CASP6: variants seen among roughly 807,000 people sequenced by gnomAD.
CASP6 encodes the protein caspase 6.
In CASP6, 20 loss-of-function variants were observed where a neutral mutation model predicts 31.8. That is an observed-to-expected ratio of 0.63 (90% CI 0.44 to 0.91). CASP6 has a LOEUF of 0.91. Ranked by LOEUF, CASP6 falls within the 40% of genes least tolerant of loss-of-function variation. The pLI is 0.00. For missense variants in CASP6, 328 were observed against 361.1 expected (o/e 0.91, Z 0.74); for synonymous variants, 130 against 127.8 (o/e 1.02, Z -0.12).
At chr4:109,696,942 C>G (rs1245919024) in intron 3 of CASP6, among the ~76,000 whole-genome samples, 1 of 151,958 alleles carries the variant, frequency 6.6e-6, no homozygotes, top group Non-Finnish European at 1.5e-5. Context: ...CCCACCACCA[C>G]GCCCGGCTAA....
the CASP6 span, among the ~76,000 whole-genome samples, chr4:109,674,951 T>C: frequency 6.6e-6 from 1 of 152,236 alleles, no homozygotes; most frequent in African/African-American, 2.4e-5. Flanking sequence ...AGCAAGCTGG[T>C]TTGGCCAGAC....
chr4:109,676,921 A>AT, the CASP6 span, among the ~76,000 whole-genome samples: 203 of 152,374 alleles, frequency 1.3e-3, no homozygotes, highest in Middle Eastern at 0.01. Context: ...TATTTGGAAA[A>AT]TTCACAGCTG....
At chr4:109,669,608 G>A in the CASP6 span, among the ~76,000 whole-genome samples, 2 of 150,846 alleles carry the variant, frequency 1.3e-5, no homozygotes, top group Non-Finnish European at 3.0e-5. Flanking sequence ...TAATTCTTCT[G>A]TTCTTTCCTT....
chr4:109,706,031 T>TAAAA (rs59826248), upstream of CASP6, among the ~76,000 whole-genome samples: 1 of 82,468 alleles, frequency 1.2e-5, no homozygotes, highest in African/African-American at 5.8e-5. Flanking sequence ...TATATATATA[T>TAAAA]AATATATATA....
At chr4:109,664,830 C>A in the CASP6 span, among the ~76,000 whole-genome samples, 1 of 151,996 alleles carries the variant, frequency 6.6e-6, no homozygotes, top group Admixed American at 6.6e-5. Context: ...TTTAGACTTT[C>A]AGGATTTTAC....
At chr4:109,666,362 G>T in the CASP6 span, among the ~76,000 whole-genome samples, 1 of 152,186 alleles carries the variant, frequency 6.6e-6, no homozygotes, top group African/African-American at 2.4e-5. Context: ...TTAGTTTTGT[G>T]TAAAACTGTC....
chr4:109,706,003 T>TAG (rs1730597704), upstream of CASP6, among the ~76,000 whole-genome samples: 1 of 35,114 alleles, frequency 2.8e-5, no homozygotes, highest in Non-Finnish European at 4.5e-5. Flanking sequence ...AAAAAAAAAA[T>TAG]ATATATATAT....
At chr4:109,701,882 C>T (rs115625249) in intron 1 of CASP6, among the ~76,000 whole-genome samples, 1 of 152,306 alleles carries the variant, frequency 6.6e-6, no homozygotes, top group African/African-American at 2.4e-5. Context: ...TCCAAAGTCT[C>T]TGTAGGCCCA....
At chr4:109,690,825 T>C (rs766850686) in intron 6 of CASP6, 25 bp downstream of exon 6, 3 of 1,575,200 alleles carry the variant, frequency 1.9e-6, no homozygotes, top group East Asian at 4.6e-5. Flanking sequence ...GAGGCAATTA[T>C]ATGTTTGTTT....
chr4:109,703,253 G>A, intron 1 of CASP6, 103 bp downstream of exon 1: 3 of 1,330,620 alleles, frequency 2.3e-6, no homozygotes, highest in Non-Finnish European at 3.1e-6. Flanking sequence ...AGGAACCCGC[G>A]GCCCCACTCC....
the CASP6 span, among the ~76,000 whole-genome samples, chr4:109,668,148 A>G: frequency 1.5e-4 from 23 of 152,122 alleles, no homozygotes; most frequent in Admixed American, 1.3e-4. Context: ...CGTTTATCTC[A>G]GTTGATTGGT....
the CASP6 span, among the ~76,000 whole-genome samples, chr4:109,680,887 C>G: frequency 1.3e-5 from 2 of 152,138 alleles, no homozygotes. Context: ...TGAACAATTA[C>G]AGCTCTCAGA....
the CASP6 span, chr4:109,682,528 C>T: frequency 2.8e-6 from 4 of 1,453,428 alleles, no homozygotes; most frequent in Middle Eastern, 1.8e-4. Context: ...AAGATTTACA[C>T]ACCCTGCGGG....
downstream of CASP6, chr4:109,684,487 AC>A: frequency 6.2e-7 from 1 of 1,612,760 alleles, no homozygotes; most frequent in Non-Finnish European, 8.5e-7. Flanking sequence ...AAACCAGTGG[AC>A]TCCTGTGGGC....
At chr4:109,664,958 G>T in the CASP6 span, among the ~76,000 whole-genome samples, 3 of 151,048 alleles carry the variant, frequency 2.0e-5, no homozygotes, top group East Asian at 1.9e-4. Flanking sequence ...AAAAAAAATT[G>T]TATTATTTAA....
downstream of CASP6, chr4:109,687,464 G>T: frequency 8.1e-7 from 1 of 1,235,718 alleles, no homozygotes; most frequent in Non-Finnish European, 1.2e-6. Context: ...CAGTAATGTT[G>T]GTATGTTTCT....
the CASP6 span, among the ~76,000 whole-genome samples, chr4:109,667,343 T>G: frequency 6.6e-6 from 1 of 152,024 alleles, no homozygotes; most frequent in Non-Finnish European, 1.5e-5. Context: ...TTAATCTATT[T>G]TGTCTAGGTT....
At chr4:109,682,835 AT>A in the CASP6 span, 2 of 964,012 alleles carry the variant, frequency 2.1e-6, no homozygotes, top group East Asian at 2.7e-5. Context: ...TGCTTTCCAT[AT>A]GCTAATTTTC....
the CASP6 span, among the ~76,000 whole-genome samples, chr4:109,679,547 G>A: frequency 2.0e-5 from 3 of 152,184 alleles, no homozygotes; most frequent in South Asian, 2.1e-4. Context: ...TCAGCAGGCC[G>A]AGGCAGGGAG....
Sources: allele counts gnomAD v4.1 joint callset (sites outside exome capture counted in the v4.1 genomes callset), GRCh38; gene constraint gnomAD v4.1.1; transcripts MANE v1.5; gene names NCBI Gene and HGNC (gene_info 2026-07-23, HGNC 2026-07-21).